The following STXBP4 variants were observed in gnomAD, a reference collection of about 807,000 sequenced individuals.
STXBP4 encodes syntaxin binding protein 4, also known as syntaxin-binding protein 4.
Under a neutral mutation model 76.1 loss-of-function variants are expected in STXBP4, and 55 were observed. That is an observed-to-expected ratio of 0.72 (90% CI 0.58 to 0.91). STXBP4 has a LOEUF of 0.91. Ranked by LOEUF, STXBP4 falls within the 40% of genes least tolerant of loss-of-function variation. The probability of loss-of-function intolerance (pLI) is 0.00; values close to 1 mark genes in which losing one functional copy is unlikely to be tolerated. For missense variants in STXBP4, 618 were observed against 636.9 expected (o/e 0.97, Z 0.32); for synonymous variants, 201 against 220.2 (o/e 0.91, Z 0.77).
Position 55,031,031 on chromosome 17 carries a change from T to A in STXBP4, c.667-137T>A, listed in dbSNP as rs1397144507. ...AATAGGCACTTAATCCATAAAGAGCTGACTTCCCTTGGGTGTTTAATCCTG... is the reference window on the plus strand; with the variant it reads ...AATAGGCACTTAATCCATAAAGAGCAGACTTCCCTTGGGTGTTTAATCCTG... On this transcript the variant is annotated intron_variant, in intron 8 of 17. Transcript: ENST00000376352. 8.3e-6 allele frequency: 5 copies of A among 602,778 alleles called. No individual in the cohort carries two copies. The Admixed American group carries it at 1.2e-4, about 14-fold the overall frequency. The allele number at this position is 602,778 out of a possible 1,614,324, so 37.3% of individuals were successfully genotyped here.
Position 55,077,960 on chromosome 17 carries a change from A to G in STXBP4, c.1189-118A>G, listed in dbSNP as rs941996760. 8 of 652,868 alleles carry G rather than the reference A, an allele frequency of 1.2e-5. No homozygotes were observed. In the East Asian group the frequency reaches 1.9e-4, roughly 16 times the overall value. 40.4% of individuals were successfully genotyped at this position (652,868 alleles called of 1,614,324 possible). Reference sequence around the variant, plus strand: ...CCCCCCAAAATCAAAACATATGTACAGTAAGAGAAAAAGATAATTTGGTAA... The same window carrying G: ...CCCCCCAAAATCAAAACATATGTACGGTAAGAGAAAAAGATAATTTGGTAA... On this transcript the variant is annotated intron_variant, in intron 13 of 17. Coordinates refer to ENST00000376352, the MANE Select transcript of STXBP4 (RefSeq NM_178509.6).
chr17:55,196,840 G>T, the STXBP4 span, among the ~76,000 whole-genome samples: 1 of 152,152 alleles, frequency 6.6e-6, no homozygotes, highest in African/African-American at 2.4e-5. Context: ...AAACCCACAG[G>T]TATTGGACAA....
intron 1 of STXBP4, among the ~76,000 whole-genome samples, chr17:54,975,444 A>G (rs1179519234): frequency 1.3e-5 from 2 of 152,094 alleles, no homozygotes; most frequent in South Asian, 4.1e-4. Flanking sequence ...ATATAGGCAC[A>G]ATATTATATC....
At chr17:55,150,638 T>G (rs565169218) in intron 17 of STXBP4, among the ~76,000 whole-genome samples, 2 of 152,302 alleles carry the variant, frequency 1.3e-5, no homozygotes, top group Admixed American at 1.3e-4. Context: ...CATATATGTA[T>G]TATTTTTCAT....
In STXBP4 at chr17:55,169,767, C is replaced by T. The variant is rs1392407912; in HGVS notation, c.*9856C>T. 6.6e-6 allele frequency: 1 copy of T among 152,136 alleles called. No individual in the cohort carries two copies. The allele number at this position is 152,136 out of a possible 1,614,324, so 9.4% of individuals were successfully genotyped here. On this transcript the variant is annotated 3_prime_UTR_variant, in exon 18 of 18. Coordinates refer to ENST00000376352, the MANE Select transcript of STXBP4 (RefSeq NM_178509.6). ...TAAAAGCTATTTCTAAAAACCCTAACATGAAATACTTAGAAGAGATCAAGT... is the reference window on the plus strand; with the variant it reads ...TAAAAGCTATTTCTAAAAACCCTAATATGAAATACTTAGAAGAGATCAAGT...
At chr17:55,096,409 C>T (rs895854625) in intron 16 of STXBP4, among the ~76,000 whole-genome samples, 6 of 151,996 alleles carry the variant, frequency 3.9e-5, no homozygotes, top group African/African-American at 4.8e-5. Context: ...TATTTTAATT[C>T]GAATCATTCA....
At chr17:55,129,037 C>T (rs2079945014) in intron 16 of STXBP4, among the ~76,000 whole-genome samples, 1 of 147,196 alleles carries the variant, frequency 6.8e-6, no homozygotes, top group African/African-American at 2.5e-5. Context: ...TCAAGTGATT[C>T]TCCTGCCTCA....
At chr17:55,120,972 G>T (rs2079837453) in intron 16 of STXBP4, among the ~76,000 whole-genome samples, 1 of 152,084 alleles carries the variant, frequency 6.6e-6, no homozygotes, top group Non-Finnish European at 1.5e-5. Context: ...TTTAGTTTTT[G>T]CAACATAAAC....
chr17:55,043,301 C>T lies in STXBP4; in HGVS notation c.921C>T (p.Ala307=), dbSNP rs756234775. Residue 307 remains alanine, a synonymous_variant, in exon 11 of 18, where the codon GCC becomes GCT. Coordinates refer to ENST00000376352, the MANE Select transcript of STXBP4 (RefSeq NM_178509.6). ...GGCTCAAGTGTGAAAGAGATGATGC[C>T]TTGAAAGAAGTAAATACACTTAAGG... ...MERLKCERDD[A]LKEVNTLKEK... is the part of the protein sequence containing the mutation. 6.6e-7 allele frequency: 1 copy of T among 1,526,056 alleles called. No homozygotes were observed. 94.5% of individuals were successfully genotyped at this position (1,526,056 alleles called of 1,614,324 possible). A position where few individuals can be genotyped will look rare whatever the true frequency, so the allele number is the denominator to read the frequency against.
chr17:55,130,226 C>T (rs536469909), intron 16 of STXBP4, among the ~76,000 whole-genome samples: 8 of 152,314 alleles, frequency 5.3e-5, no homozygotes, highest in Middle Eastern at 3.4e-3. Context: ...CCTTGATTTC[C>T]GTCATGCCAT....
chr17:54,979,170 A>G (rs1598147318), intron 1 of STXBP4, among the ~76,000 whole-genome samples: 1 of 152,062 alleles, frequency 6.6e-6, no homozygotes, highest in East Asian at 1.9e-4. Context: ...CTGATATCCC[A>G]TTTCCCCAGG....
At chr17:55,023,371 G>A (rs993222818) in intron 8 of STXBP4, among the ~76,000 whole-genome samples, 1 of 152,144 alleles carries the variant, frequency 6.6e-6, no homozygotes, top group Non-Finnish European at 1.5e-5. Context: ...TATGTAATGA[G>A]ATATCATGGG....
At chr17:55,046,322 G>A (rs2078787934) in intron 11 of STXBP4, among the ~76,000 whole-genome samples, 1 of 151,796 alleles carries the variant, frequency 6.6e-6, no homozygotes, top group Non-Finnish European at 1.5e-5. Context: ...TCTTAGACAA[G>A]AATAAGCTGA....
intron 16 of STXBP4, among the ~76,000 whole-genome samples, chr17:55,088,560 C>T (rs754728714): frequency 6.6e-6 from 1 of 152,106 alleles, no homozygotes; most frequent in Non-Finnish European, 1.5e-5. Flanking sequence ...CCACACCTGG[C>T]TAATTTTTGT....
the STXBP4 span, among the ~76,000 whole-genome samples, chr17:55,187,173 A>G: frequency 2.0e-5 from 3 of 152,172 alleles, no homozygotes; most frequent in Admixed American, 6.5e-5. Context: ...TTTCCCTCCA[A>G]CTGGTTTTGC....
chr17:55,172,384 C>T lies in STXBP4; in HGVS notation c.*12473C>T, dbSNP rs1391315026. 6.6e-6 allele frequency: 1 copy of T among 152,184 alleles called. No individual in the cohort carries two copies. The highest frequency in any genetic ancestry group is 2.4e-5 in the African/African-American group (1 of 41,436). 9.4% of individuals were successfully genotyped at this position (152,184 alleles called of 1,614,324 possible). On this transcript the variant is annotated 3_prime_UTR_variant, in exon 18 of 18. Coordinates refer to ENST00000376352, the MANE Select transcript of STXBP4 (RefSeq NM_178509.6). ...TCAATGTGTAGCCAAGGTTCACTGC[C>T]ATAGCCTGTCCTGGAATGCAGGTAA... is the stretch of plus-strand genomic sequence containing the variant.
chr17:55,017,405 T>A (rs2078227987), intron 8 of STXBP4, among the ~76,000 whole-genome samples: 1 of 152,148 alleles, frequency 6.6e-6, no homozygotes. Context: ...CAAGACTCCC[T>A]GGGTTTATAG....
At chr17:55,031,833 G>A (rs920009995) in intron 9 of STXBP4, among the ~76,000 whole-genome samples, 3 of 152,036 alleles carry the variant, frequency 2.0e-5, no homozygotes, top group African/African-American at 7.2e-5. Flanking sequence ...TATGCATTTG[G>A]TTGAAAAAAC....
intron 12 of STXBP4, among the ~76,000 whole-genome samples, chr17:55,060,068 A>G (rs181189916): frequency 4.3e-4 from 65 of 152,236 alleles, no homozygotes; most frequent in Non-Finnish European, 4.4e-4. Context: ...TTAAAAATAC[A>G]TGTATACATC....
Sources: gnomAD v4.1 joint callset for allele counts (sites outside exome capture counted in the v4.1 genomes callset) on GRCh38, gnomAD v4.1.1 for gene constraint, MANE v1.5 for transcripts, NCBI Gene and HGNC (gene_info 2026-07-23, HGNC 2026-07-21) for gene names.